Variants in SYT14 observed in about 807,000 individuals in gnomAD.
SYT14 encodes the protein synaptotagmin-14.
A neutral mutation model predicts 74.2 loss-of-function variants in SYT14; 32 were observed. The ratio of observed to expected loss-of-function variants is 0.43; its 90% CI spans 0.33 to 0.58. The LOEUF (loss-of-function observed/expected upper bound fraction) is 0.58, where lower values mean the gene tolerates loss of function less well. Among genes scored for constraint, SYT14 ranks in the 20% least tolerant of loss-of-function variants. The pLI, the probability that SYT14 is intolerant of heterozygous loss-of-function variation, is 0.05. For missense variants in SYT14, 791 were observed against 981.8 expected, an observed-to-expected ratio of 0.81 and a Z score of 2.60; for synonymous variants, 298 against 337.7, an observed-to-expected ratio of 0.88 and a Z score of 1.29.
chr1:210,147,690 A>G (rs958013356), intron 7 of SYT14, among the ~76,000 whole-genome samples: 1 of 152,354 alleles, frequency 6.6e-6, no homozygotes, highest in South Asian at 2.1e-4. Context: ...AGAGATAAAC[A>G]TAATACAATA....
intron 6 of SYT14, 51 bp from the exon 6 acceptor site, chr1:210,099,961 A>G (rs774224437): frequency 1.4e-6 from 2 of 1,480,182 alleles, no homozygotes; most frequent in South Asian, 1.2e-5. Context: ...TTTACATGCT[A>G]GGTTAAATAA....
At chr1:210,100,489 A>G in intron 7 of SYT14, 28 bp downstream of exon 6, 1 of 1,595,764 alleles carries the variant, frequency 6.3e-7, no homozygotes, top group Non-Finnish European at 8.6e-7. Context: ...TGGCCTGAAT[A>G]CAGTTTATGT....
chr1:210,033,137 C>T (rs189865903), intron 5 of SYT14, among the ~76,000 whole-genome samples: 1 of 151,750 alleles, frequency 6.6e-6, no homozygotes, highest in African/African-American at 2.4e-5. Context: ...TCTCTTGAGG[C>T]AGATATTAAT....
intron 7 of SYT14, among the ~76,000 whole-genome samples, chr1:210,121,570 G>A (rs1286386344): frequency 6.6e-6 from 1 of 152,078 alleles, no homozygotes; most frequent in African/African-American, 2.4e-5. Flanking sequence ...CAAGGTGGGC[G>A]GATCACAAGG....
At chr1:210,023,785 G>C (rs951597636) in intron 5 of SYT14, among the ~76,000 whole-genome samples, 2 of 152,220 alleles carry the variant, frequency 1.3e-5, no homozygotes, top group Non-Finnish European at 2.9e-5. Flanking sequence ...GCATGGAATA[G>C]GGCTTTCATG....
chr1:209,940,970 G>A (rs899726297), intron 1 of SYT14, among the ~76,000 whole-genome samples: 10 of 152,114 alleles, frequency 6.6e-5, no homozygotes, highest in African/African-American at 2.2e-4. Flanking sequence ...GGCACAGAGC[G>A]AGGCTGTAAT....
chr1:209,954,692 C>G (rs2078964060), intron 2 of SYT14, among the ~76,000 whole-genome samples: 1 of 151,566 alleles, frequency 6.6e-6, no homozygotes, highest in Non-Finnish European at 1.5e-5. Context: ...ATCACAACCT[C>G]CTTTATTCTT....
chr1:210,161,802 T>TCTGTTGAAAGCACTTC (rs1485897452), exon 10 of SYT14: 27 of 453,860 alleles, frequency 5.9e-5, no homozygotes, highest in African/African-American at 5.2e-4. Context: ...TACGTAACTT[T>TCTGTTGAAAGCACTTC]CTGTTGAAAG....
chr1:210,004,712 C>G (rs1187045813), intron 2 of SYT14, among the ~76,000 whole-genome samples: 1 of 151,946 alleles, frequency 6.6e-6, no homozygotes, highest in Non-Finnish European at 1.5e-5. Context: ...TCACATGATT[C>G]TGCTCCAAAA....
At chr1:209,971,033 T>C (rs1309015415) in intron 2 of SYT14, among the ~76,000 whole-genome samples, 1 of 152,078 alleles carries the variant, frequency 6.6e-6, no homozygotes, top group East Asian at 1.9e-4. Flanking sequence ...ATGGAATGTT[T>C]TTCCATTTGT....
chr1:209,938,648 G>A lies in SYT14; in HGVS notation c.-534+371G>A, dbSNP rs577365847. Among the ~76,000 whole-genome samples the A allele has an allele frequency of 4.6e-5, 7 of 152,120 alleles. No individual in the cohort carries two copies. In the East Asian group the frequency reaches 1.4e-3, roughly 30 times the overall value. On this transcript the variant is annotated intron_variant, in intron 1 of 9. Coordinates refer to ENST00000637265, the Ensembl canonical transcript of SYT14. Reference sequence around the variant, plus strand: ...CGGGACGGGCTGGGAGGAGCGAGGGGCCACGGGGGGCTCAGGCTGCCCTTT... The same window carrying A: ...CGGGACGGGCTGGGAGGAGCGAGGGACCACGGGGGGCTCAGGCTGCCCTTT...
Position 210,141,834 on chromosome 1 carries a change from T to C in SYT14, c.2035-13887T>C, listed in dbSNP as rs748743371. Among the ~76,000 whole-genome samples the C allele has an allele frequency of 3.3e-5, 5 of 152,336 alleles. No homozygotes were observed. The East Asian group carries it at 5.8e-4, about 18-fold the overall frequency. On this transcript the variant is annotated intron_variant, in intron 7 of 9. Coordinates refer to ENST00000637265, the Ensembl canonical transcript of SYT14. ...CTAGAGGTAAGAGACTAGGACCTTCTCAAGTTTTTTCTGGGCATGCACATA... is the reference window on the plus strand; with the variant it reads ...CTAGAGGTAAGAGACTAGGACCTTCCCAAGTTTTTTCTGGGCATGCACATA...
At chr1:210,090,343 A>G (rs1304636523) in intron 5 of SYT14, among the ~76,000 whole-genome samples, 1 of 149,068 alleles carries the variant, frequency 6.7e-6, no homozygotes, top group Non-Finnish European at 1.5e-5. Context: ...CATATAATCA[A>G]TTTTGGCAGA....
exon 10 of SYT14, chr1:210,164,231 G>C: frequency 3.5e-6 from 1 of 287,564 alleles, no homozygotes; most frequent in Non-Finnish European, 7.0e-6. Context: ...TGTGCATTTA[G>C]TGAATTCTCA....
chr1:210,034,190 G>A (rs536661447), intron 5 of SYT14, among the ~76,000 whole-genome samples: 2 of 151,682 alleles, frequency 1.3e-5, no homozygotes, highest in Non-Finnish European at 3.0e-5. Context: ...GCACAATGAG[G>A]TTAAGGAACT....
chr1:210,137,543 C>T (rs1018091656), intron 7 of SYT14, among the ~76,000 whole-genome samples: 1 of 151,772 alleles, frequency 6.6e-6, no homozygotes, highest in African/African-American at 2.4e-5. Context: ...TATGTTAAAA[C>T]TTTCAGAAAG....
chr1:210,012,800 TA>T (rs780578155), intron 2 of SYT14, among the ~76,000 whole-genome samples: 4 of 151,304 alleles, frequency 2.6e-5, no homozygotes, highest in Admixed American at 2.0e-4. Flanking sequence ...CTCTCAGGTT[TA>T]AGTGAGTCTC....
chr1:210,118,370 C>T (rs1047055900), intron 7 of SYT14, among the ~76,000 whole-genome samples: 3 of 151,998 alleles, frequency 2.0e-5, no homozygotes, highest in African/African-American at 7.3e-5. Flanking sequence ...TGAAAACATG[C>T]CTTCTTCATT....
chr1:210,139,397 A>G (rs985337475), intron 7 of SYT14, among the ~76,000 whole-genome samples: 2 of 150,142 alleles, frequency 1.3e-5, no homozygotes, highest in Non-Finnish European at 2.9e-5. Flanking sequence ...CTTTTACTAC[A>G]ACTTTTTGAA....
Sources: allele counts gnomAD v4.1 joint callset (sites outside exome capture counted in the v4.1 genomes callset), GRCh38; gene constraint gnomAD v4.1.1; transcripts MANE v1.5; gene names NCBI Gene and HGNC (gene_info 2026-07-23, HGNC 2026-07-21).